Variants in DHRSX observed in about 807,000 individuals in gnomAD.
The protein encoded by DHRSX is dehydrogenase/reductase X-linked, also known as polyprenol dehydrogenase.
Under a neutral mutation model 34.0 loss-of-function variants are expected in DHRSX, and 31 were observed. The ratio of observed to expected loss-of-function variants is 0.91; its 90% CI spans 0.69 to 1.23. The LOEUF (loss-of-function observed/expected upper bound fraction) is 1.23. DHRSX is among the 50% of genes most tolerant of loss of function. The pLI is 0.00. For missense variants in DHRSX, 414 were observed against 428.1 expected (o/e 0.97, Z 0.29); for synonymous variants, 201 against 183.8 (o/e 1.09, Z -0.76).
chrX:2,319,890 G>A (rs890595989), intron 3 of DHRSX, among the ~76,000 whole-genome samples: 7 of 151,968 alleles, frequency 4.6e-5, no homozygotes, highest in African/African-American at 1.2e-4. Flanking sequence ...GTGCGATGGC[G>A]TGATCTCAGC....
In DHRSX at chrX:2,298,601, T is replaced by TACACACACACACACACACACACACGCAC. The variant is rs954410913; in HGVS notation, c.287-6999_287-6998insGTGCGTGTGTGTGTGTGTGTGTGTGTGT. ...AGCAGTTCTCCTGCAGGCGCGTGTG[T>TACACACACACACACACACACACACGCAC]ACACACACACACACACACACACACA... is the stretch of plus-strand genomic sequence containing the variant. On this transcript the variant is annotated intron_variant, in intron 3 of 6. Coordinates refer to ENST00000334651, the MANE Select transcript of DHRSX (RefSeq NM_145177.3). 1.1e-3 allele frequency among the ~76,000 whole-genome samples: 151 copies of TACACACACACACACACACACACACGCAC among 131,816 alleles called. 2 individuals carry two copies. Among genetic ancestry groups the TACACACACACACACACACACACACGCAC allele is most frequent in the African/African-American group, 5.3e-3 (130 of 24,366 alleles). 86.5% of individuals were successfully genotyped at this position (131,816 alleles called of 152,430 possible).
intron 1 of DHRSX, chrX:2,489,091 G>A: frequency 6.2e-7 from 1 of 1,613,842 alleles, no homozygotes; most frequent in Non-Finnish European, 8.5e-7. Context: ...TGTTGTTGAT[G>A]ACGCTGGCGG....
At chrX:2,473,257 C>T (rs1185118241) in intron 1 of DHRSX, among the ~76,000 whole-genome samples, 1 of 152,140 alleles carries the variant, frequency 6.6e-6, no homozygotes. Context: ...GTCCAGACCA[C>T]ACGGAAGGTG....
chrX:2,319,323 T>G (rs1396342273), intron 3 of DHRSX, among the ~76,000 whole-genome samples: 1 of 150,552 alleles, frequency 6.6e-6, no homozygotes, highest in East Asian at 2.0e-4. Flanking sequence ...GGCGGGTAGA[T>G]CACGAGGTCA....
intron 3 of DHRSX, among the ~76,000 whole-genome samples, chrX:2,304,323 GGATGGATGGATGAACT>G (rs1556461115): frequency 2.0e-5 from 3 of 149,904 alleles, no homozygotes; most frequent in Non-Finnish European, 4.5e-5. Context: ...ATGGATGGAT[GGATGGATGGATGAACT>G]GATGGATGGA....
chrX:2,386,426 C>T (rs1169063833), intron 3 of DHRSX, among the ~76,000 whole-genome samples: 1 of 152,012 alleles, frequency 6.6e-6, no homozygotes, highest in Non-Finnish European at 1.5e-5. Flanking sequence ...ACCATGTTGG[C>T]CAGGCTGGTC....
chrX:2,435,747 A>G (rs1417165383), intron 1 of DHRSX, among the ~76,000 whole-genome samples: 1 of 152,236 alleles, frequency 6.6e-6, no homozygotes, highest in Non-Finnish European at 1.5e-5. Context: ...CCTGGGCAAC[A>G]GAGCAAGATC....
At chrX:2,410,541 G>A (rs2043613000) in intron 2 of DHRSX, among the ~76,000 whole-genome samples, 2 of 152,168 alleles carry the variant, frequency 1.3e-5, no homozygotes, top group African/African-American at 4.8e-5. Context: ...TGGCATTCCT[G>A]AATACTGAGT....
chrX:2,230,208 TAC>T (rs1406087323), intron 6 of DHRSX, among the ~76,000 whole-genome samples: 2 of 132,294 alleles, frequency 1.5e-5, no homozygotes, highest in South Asian at 2.9e-4. Context: ...TGTGTATTTG[TAC>T]ATGTGTGCAT....
intron 3 of DHRSX, among the ~76,000 whole-genome samples, chrX:2,377,258 T>A (rs1378876319): frequency 6.6e-6 from 1 of 151,828 alleles, no homozygotes. Flanking sequence ...TGATGATACG[T>A]TAAATGAAGT....
chrX:2,229,834 TG>T (rs1337095372), intron 6 of DHRSX, among the ~76,000 whole-genome samples: 1 of 152,116 alleles, frequency 6.6e-6, no homozygotes, highest in Non-Finnish European at 1.5e-5. Context: ...TGCATGTGAA[TG>T]TGTACTTGAG....
At chrX:2,308,541 G>A (rs773818188) in intron 3 of DHRSX, among the ~76,000 whole-genome samples, 8 of 152,214 alleles carry the variant, frequency 5.3e-5, no homozygotes, top group East Asian at 3.9e-4. Flanking sequence ...GAGGATCATC[G>A]CCTATGAAGG....
chrX:2,418,416 T>A (rs907726735), intron 2 of DHRSX, among the ~76,000 whole-genome samples: 1 of 152,016 alleles, frequency 6.6e-6, no homozygotes, highest in Non-Finnish European at 1.5e-5. Context: ...GACTTCATCA[T>A]GACCTGCCCA....
chrX:2,339,821 A>G (rs1004008800), intron 3 of DHRSX, among the ~76,000 whole-genome samples: 9 of 152,096 alleles, frequency 5.9e-5, no homozygotes, highest in Non-Finnish European at 1.3e-4. Flanking sequence ...TAGTGCCACA[A>G]TAAACATACG....
intron 1 of DHRSX, among the ~76,000 whole-genome samples, chrX:2,491,487 T>G (rs774953731): frequency 6.6e-6 from 1 of 152,164 alleles, no homozygotes; most frequent in East Asian, 1.9e-4. Context: ...CATAGAAGAA[T>G]CCACAAGTGG....
intron 4 of DHRSX, among the ~76,000 whole-genome samples, chrX:2,283,541 C>T (rs965224463): frequency 1.3e-5 from 2 of 152,116 alleles, no homozygotes; most frequent in Admixed American, 6.5e-5. Flanking sequence ...AAATGCCAGG[C>T]GCCCACAAAG....
intron 4 of DHRSX, among the ~76,000 whole-genome samples, chrX:2,275,622 C>G (rs1602853535): frequency 2.0e-5 from 3 of 151,880 alleles, no homozygotes; most frequent in African/African-American, 4.8e-5. Context: ...CCCCTAAGCC[C>G]TTTTTTGATC....
intron 5 of DHRSX, among the ~76,000 whole-genome samples, chrX:2,251,646 T>C (rs2016436499): frequency 6.6e-6 from 1 of 152,138 alleles, no homozygotes; most frequent in Admixed American, 6.6e-5. Flanking sequence ...CTGGAGAGTG[T>C]ACCCTTTCTG....
chrX:2,273,733 G>T (rs2041587755), intron 4 of DHRSX, among the ~76,000 whole-genome samples: 1 of 152,192 alleles, frequency 6.6e-6, no homozygotes, highest in Non-Finnish European at 1.5e-5. Flanking sequence ...TGCAGTATTT[G>T]GTTTTCTGTT....
Sources: allele counts gnomAD v4.1 joint callset (sites outside exome capture counted in the v4.1 genomes callset), GRCh38; gene constraint gnomAD v4.1.1; transcripts MANE v1.5; gene names NCBI Gene and HGNC (gene_info 2026-07-23, HGNC 2026-07-21).